The following NUP37 variants were observed in gnomAD, a reference collection of about 807,000 sequenced individuals.
NUP37 encodes the protein nucleoporin Nup37.
NUP37 carries 33 observed loss-of-function variants against 45.4 expected under a neutral mutation model. The observed-to-expected ratio is 0.73, with a 90% CI of 0.55 to 0.97. NUP37 has a LOEUF of 0.97. NUP37 is among the 50% of genes least tolerant of loss of function. NUP37 has a pLI of 0.00. For missense variants in NUP37, 365 were observed against 389.7 expected (o/e 0.94, Z 0.53); for synonymous variants, 127 against 130.7 (o/e 0.97, Z 0.19).
At chr12:102,086,603 G>A (rs1160690108) in intron 5 of NUP37, among the ~76,000 whole-genome samples, 2 of 152,182 alleles carry the variant, frequency 1.3e-5, no homozygotes, top group African/African-American at 4.8e-5. Flanking sequence ...TACCATTGCA[G>A]AGGGAGAGCA....
In NUP37 at chr12:102,073,715, C is replaced by T. The variant is rs1233080922; in HGVS notation, c.*639G>A. 5 of 152,130 alleles carry T rather than the reference C, an allele frequency of 3.3e-5. No homozygotes were observed. Among genetic ancestry groups the T allele is most frequent in the East Asian group, 1.9e-4 (1 of 5,190 alleles). The allele number at this position is 152,130 out of a possible 1,614,324, so 9.4% of individuals were successfully genotyped here. On this transcript the variant is annotated 3_prime_UTR_variant, in exon 10 of 10. Transcript: ENST00000552283. The stretch of plus-strand genomic sequence containing the variant: ...GATTTTTTTTCTTTTGAGATAGTCT[C>T]GCTCTGTCGCCCAGGCTGCAGTGAA...
At position 102,118,585 on chromosome 12, in the gene NUP37, T is replaced by A; in HGVS notation, c.-65-2A>T. 1 of 1,435,574 alleles carries A rather than the reference T, an allele frequency of 7.0e-7. No homozygotes were observed. The highest frequency in any genetic ancestry group is 9.5e-7 in the Non-Finnish European group (1 of 1,048,014). The allele number at this position is 1,435,574 out of a possible 1,614,324, so 88.9% of individuals were successfully genotyped here. ...CTTCTACTGGACAAGGTCACGAAAC[T>A]GTGGATTAGAGCACAGGTACAATTA... is the stretch of plus-strand genomic sequence containing the variant. On this transcript the variant is annotated splice_acceptor_variant, in intron 1 of 9. Coordinates refer to ENST00000552283, the MANE Select transcript of NUP37 (RefSeq NM_024057.4). LOFTEE classifies it low-confidence loss of function (5UTR_SPLICE).
At chr12:102,111,518 A>G (rs758295395) in intron 3 of NUP37, among the ~76,000 whole-genome samples, 2 of 152,242 alleles carry the variant, frequency 1.3e-5, no homozygotes, top group African/African-American at 2.4e-5. Flanking sequence ...AAAAGAAGAC[A>G]CATCTTTTAG....
At chr12:102,112,051 C>A in intron 3 of NUP37, 57 bp downstream of exon 3, 1 of 1,511,648 alleles carries the variant, frequency 6.6e-7, no homozygotes, top group South Asian at 1.2e-5. Context: ...GACTTCCAAT[C>A]ATGTAACACA....
intron 6 of NUP37, among the ~76,000 whole-genome samples, chr12:102,085,380 C>T (rs1019717976): frequency 6.6e-6 from 1 of 152,102 alleles, no homozygotes; most frequent in Admixed American, 6.5e-5. Flanking sequence ...CAAGATCACA[C>T]CACTGCACTC....
At chr12:102,103,287 A>G (rs1880027263) in intron 3 of NUP37, among the ~76,000 whole-genome samples, 1 of 152,108 alleles carries the variant, frequency 6.6e-6, no homozygotes, top group Admixed American at 6.5e-5. Context: ...TCAATGTTTT[A>G]TCGTTTCTGT....
At chr12:102,085,921 T>C in intron 5 of NUP37, 65 bp from the exon 6 acceptor site, 1 of 746,786 alleles carries the variant, frequency 1.3e-6, no homozygotes, top group Non-Finnish European at 2.2e-6. Flanking sequence ...AAATTAAATT[T>C]CCATGAATTT....
chr12:102,081,993 C>T (rs866756184), intron 6 of NUP37, among the ~76,000 whole-genome samples: 6 of 152,256 alleles, frequency 3.9e-5, no homozygotes, highest in East Asian at 3.9e-4. Context: ...CCACTGCTCC[C>T]GGCCACATTT....
rs1192698755 is a variant in NUP37, at chr12:102,114,075, T to TG, written c.157-1844_157-1843insC. ...CTGTCAAATTTTACTACTTCGTAAT[T>TG]TGTGTGTATAATAGTTGTATAGCTA... On this transcript the variant is annotated intron_variant, in intron 2 of 9. Coordinates refer to ENST00000552283, the MANE Select transcript of NUP37 (RefSeq NM_024057.4). Among the ~76,000 whole-genome samples the TG allele has an allele frequency of 4.6e-5, 7 of 152,326 alleles. No homozygotes were observed. In the South Asian group the frequency reaches 1.5e-3, roughly 32 times the overall value.
intron 2 of NUP37, among the ~76,000 whole-genome samples, chr12:102,113,169 A>G (rs1347678399): frequency 6.6e-6 from 1 of 152,376 alleles, no homozygotes; most frequent in East Asian, 1.9e-4. Context: ...TGCAGCTGTT[A>G]TAAGGGTATC....
At chr12:102,082,830 G>A (rs1879366918) in intron 6 of NUP37, among the ~76,000 whole-genome samples, 1 of 152,206 alleles carries the variant, frequency 6.6e-6, no homozygotes, top group Admixed American at 6.5e-5. Flanking sequence ...AGTTAGGCAT[G>A]AGAAAAGAAA....
At chr12:102,106,071 T>C (rs1332060099) in intron 3 of NUP37, among the ~76,000 whole-genome samples, 1 of 151,598 alleles carries the variant, frequency 6.6e-6, no homozygotes. Context: ...ATATGAAGGG[T>C]AAGAGATTGA....
intron 3 of NUP37, among the ~76,000 whole-genome samples, chr12:102,104,754 GGC>G (rs2136745986): frequency 6.6e-6 from 1 of 152,264 alleles, no homozygotes; most frequent in South Asian, 2.1e-4. Flanking sequence ...ATCATTTGAT[GGC>G]TATGTGAAGG....
chr12:102,111,531 T>C (rs1263115426), intron 3 of NUP37, among the ~76,000 whole-genome samples: 2 of 152,216 alleles, frequency 1.3e-5, no homozygotes, highest in African/African-American at 4.8e-5. Flanking sequence ...TCTTTTAGAT[T>C]TGACATTTGT....
chr12:102,078,902 A>C (rs1879257574), intron 6 of NUP37, among the ~76,000 whole-genome samples: 1 of 152,230 alleles, frequency 6.6e-6, no homozygotes, highest in Non-Finnish European at 1.5e-5. Flanking sequence ...AAATAATAAA[A>C]TGTGAAAAAA....
intron 3 of NUP37, among the ~76,000 whole-genome samples, chr12:102,104,342 G>T (rs993282811): frequency 6.6e-6 from 1 of 152,106 alleles, no homozygotes; most frequent in African/African-American, 2.4e-5. Context: ...TTGAGTTGTA[G>T]AAGTTTTTTG....
chr12:102,102,896 C>T (rs1393938527), intron 3 of NUP37, among the ~76,000 whole-genome samples: 5 of 152,124 alleles, frequency 3.3e-5, no homozygotes, highest in African/African-American at 1.2e-4. Flanking sequence ...TGTAAATAAT[C>T]GATTGACCAT....
intron 6 of NUP37, among the ~76,000 whole-genome samples, chr12:102,081,648 T>C (rs1277611434): frequency 2.6e-5 from 4 of 152,200 alleles, no homozygotes; most frequent in African/African-American, 9.7e-5. Context: ...GTCAAGTACT[T>C]AGTACAGTCC....
intron 3 of NUP37, among the ~76,000 whole-genome samples, chr12:102,104,014 C>T (rs976375764): frequency 6.6e-6 from 1 of 152,106 alleles, no homozygotes; most frequent in Non-Finnish European, 1.5e-5. Flanking sequence ...TTAGGTAATT[C>T]TATTTTTAAT....
Sources: gnomAD v4.1 joint callset for allele counts (sites outside exome capture counted in the v4.1 genomes callset) on GRCh38, gnomAD v4.1.1 for gene constraint, MANE v1.5 for transcripts, NCBI Gene and HGNC (gene_info 2026-07-23, HGNC 2026-07-21) for gene names.